The following OTUB1 variants were observed in gnomAD, a reference collection of about 807,000 sequenced individuals.
OTUB1 encodes ubiquitin thioesterase OTUB1.
A neutral mutation model predicts 35.8 loss-of-function variants in OTUB1; 10 were observed. The observed-to-expected ratio is 0.28, with a 90% CI of 0.17 to 0.47. The LOEUF is 0.47. OTUB1 is among the 20% of genes least tolerant of loss of function. The pLI is 0.99. For missense variants in OTUB1, 264 were observed against 351.6 expected, an observed-to-expected ratio of 0.75 and a Z score of 1.99; for synonymous variants, 158 against 143.8, an observed-to-expected ratio of 1.10 and a Z score of -0.71.
At chr11:63,991,715 T>C (rs1239593702) in intron 3 of OTUB1, among the ~76,000 whole-genome samples, 1 of 152,222 alleles carries the variant, frequency 6.6e-6, no homozygotes, top group Non-Finnish European at 1.5e-5. Context: ...TGATTTGGGT[T>C]CTTTGTGGTC....
intron 1 of OTUB1, 83 bp from the exon 2 acceptor site, chr11:63,988,254 G>A (rs1942638640): frequency 2.7e-6 from 3 of 1,108,428 alleles, no homozygotes; most frequent in Admixed American, 4.1e-5. Context: ...CCTGACCCTG[G>A]GCTGCTCTTG....
At chr11:63,989,034 T>TG (rs1273369197) in intron 3 of OTUB1, 1 of 305,706 alleles carries the variant, frequency 3.3e-6, no homozygotes, top group Non-Finnish European at 5.9e-6. Context: ...AAAAAAAAGG[T>TG]GGGGGGCAGG....
At chr11:63,995,958 G>T (rs1942712871) in intron 3 of OTUB1, among the ~76,000 whole-genome samples, 1 of 152,068 alleles carries the variant, frequency 6.6e-6, no homozygotes, top group African/African-American at 2.4e-5. Context: ...AGTGAGCCGA[G>T]ATCGCGCCAC....
chr11:63,988,776 G>GCTTCCCACCC, intron 3 of OTUB1, 24 bp downstream of exon 3: 1 of 1,531,390 alleles, frequency 6.5e-7, no homozygotes, highest in Non-Finnish European at 9.0e-7. Flanking sequence ...CAGAGCGGGT[G>GCTTCCCACCC]GGAAGCACCC....
At chr11:63,988,147 C>T (rs545722854) in intron 1 of OTUB1, among the ~76,000 whole-genome samples, 190 bp from the exon 2 acceptor site, 76 of 152,218 alleles carry the variant, frequency 5.0e-4, no homozygotes, top group African/African-American at 1.8e-3. Flanking sequence ...TGGTGGTGCA[C>T]GCATGTAGTT....
chr11:63,986,542 C>T lies in OTUB1; in HGVS notation c.58+28C>T, dbSNP rs1487166532. ...ACAGATCCAAGGAGGGATGTCCGGCCCGGGCTAGTGGGGGCGATGCCGGGC... is the reference window on the plus strand; with the variant it reads ...ACAGATCCAAGGAGGGATGTCCGGCTCGGGCTAGTGGGGGCGATGCCGGGC... On this transcript the variant is annotated intron_variant, in intron 1 of 6. Transcript: ENST00000538426. The T allele has an allele frequency of 4.6e-6, 7 of 1,530,738 alleles. No homozygotes were observed. In the African/African-American group the frequency reaches 9.7e-5, roughly 21 times the overall value. The allele number at this position is 1,530,738 out of a possible 1,614,324, so 94.8% of individuals were successfully genotyped here.
Position 63,997,060 on chromosome 11 carries a change from T to C in OTUB1, c.434T>C (p.Leu145Pro). 1.2e-6 allele frequency: 2 copies of C among 1,614,104 alleles called. No homozygotes were observed. Among genetic ancestry groups the C allele is most frequent in the Non-Finnish European group, 1.7e-6 (2 of 1,179,954 alleles). The change falls in exon 6 of 7, where the codon CTG becomes CCG. Residue 145 changes from leucine (L) to proline (P), a missense_variant. Around this residue, in one of 2 missense-constraint regions of OTUB1, gnomAD observed 214 missense variants for 317.1 expected, o/e 0.67. Coordinates refer to ENST00000538426, the MANE Select transcript of OTUB1 (RefSeq NM_017670.3). ...IEDFHNTFMD[L>P]IEQVEKQTSV... Reference sequence around the variant, plus strand: ...CCTCCGTGGCTGCAGTTCATGGACCTGATTGAGCAGGTGGAGAAGCAGACC... The same window carrying C: ...CCTCCGTGGCTGCAGTTCATGGACCCGATTGAGCAGGTGGAGAAGCAGACC...
chr11:63,998,070 G>A lies in OTUB1; in HGVS notation c.*524G>A, dbSNP rs1037104638. 2 of 423,700 alleles carry A rather than the reference G, an allele frequency of 4.7e-6. No individual in the cohort carries two copies. Among genetic ancestry groups the A allele is most frequent in the African/African-American group, 2.0e-5 (1 of 49,768 alleles). The allele number at this position is 423,700 out of a possible 1,614,324, so 26.2% of individuals were successfully genotyped here. The stretch of plus-strand genomic sequence containing the variant: ...ATGGTTGGGAGTCCTGGGTGGAGGG[G>A]CCTTTGTGAGGCTGGACCCGGCTCA... On this transcript the variant is annotated 3_prime_UTR_variant, in exon 7 of 7. Transcript: ENST00000538426.
rs1308385519 is a variant in OTUB1 at position 63,997,396 on chromosome 11, G to C, written c.666G>C (p.Ala222=). The C allele has an allele frequency of 1.2e-6, 2 of 1,614,048 alleles. No individual in the cohort carries two copies. The highest frequency in any genetic ancestry group is 1.7e-6 in the Non-Finnish European group (2 of 1,180,012). Residue 222 remains alanine, a synonymous_variant, in exon 7 of 7, where the codon GCG becomes GCC. Transcript: ENST00000538426. ...CKESDHIHII[A]LAQALSVSIQ... is the part of the protein sequence containing the mutation. Reference sequence around the variant, plus strand: ...AGAGCGACCACATCCACATCATTGCGCTGGCCCAGGCCCTCAGCGTGTCCA... The same window carrying C: ...AGAGCGACCACATCCACATCATTGCCCTGGCCCAGGCCCTCAGCGTGTCCA...
chr11:63,990,087 A>C (rs1487678561), intron 3 of OTUB1: 2 of 151,528 alleles, frequency 1.3e-5, no homozygotes, highest in African/African-American at 4.9e-5. Flanking sequence ...GCAGGAGCTG[A>C]TGATCTCGGT....
At chr11:63,991,517 G>T (rs1942672700) in intron 3 of OTUB1, among the ~76,000 whole-genome samples, 1 of 152,224 alleles carries the variant, frequency 6.6e-6, no homozygotes, top group South Asian at 2.1e-4. Flanking sequence ...TGTATGCTGT[G>T]CCTGAGCCCA....
In OTUB1 at chr11:63,997,173, C is replaced by T; in HGVS notation, c.547C>T (p.Leu183=). The T allele has an allele frequency of 6.2e-7, 1 of 1,614,220 alleles. No homozygotes were observed. The highest frequency in any genetic ancestry group is 8.5e-7 in the Non-Finnish European group (1 of 1,180,024). Residue 183 remains leucine (L), a synonymous_variant, in exon 6 of 7, where the codon CTG becomes TTG. Transcript: ENST00000538426. ...VYLRLLTSGY[L]QRESKFFEHF... ...CCTGCGGCTGCTCACCTCGGGCTAC[C>T]TGCAGCGCGAGAGCAAGTTCTTCGA...
intron 3 of OTUB1, among the ~76,000 whole-genome samples, chr11:63,991,590 C>G (rs1942673357): frequency 6.6e-6 from 1 of 152,244 alleles, no homozygotes; most frequent in East Asian, 1.9e-4. Flanking sequence ...GCTCCTCTCT[C>G]TCTAAATGGG....
At chr11:63,986,717 C>G in intron 1 of OTUB1, 2 of 543,084 alleles carry the variant, frequency 3.7e-6, no homozygotes, top group Non-Finnish European at 6.4e-6. Context: ...GGAGCACGGG[C>G]GAGGCGGGCC....
chr11:63,995,519 G>T (rs1942708898), intron 3 of OTUB1, among the ~76,000 whole-genome samples: 1 of 152,100 alleles, frequency 6.6e-6, no homozygotes, highest in South Asian at 2.1e-4. Context: ...AGAGAGACGG[G>T]GGTCTCACTG....
chr11:63,996,701 C>T (rs751083938), intron 4 of OTUB1, 53 bp downstream of exon 4: 33 of 1,613,526 alleles, frequency 2.0e-5, no homozygotes, highest in Admixed American at 1.3e-4. Flanking sequence ...ACCTCCTCCC[C>T]GGGCGAGTAG....
At chr11:63,987,450 G>A (rs551910864) in intron 1 of OTUB1, among the ~76,000 whole-genome samples, 2 of 152,324 alleles carry the variant, frequency 1.3e-5, no homozygotes, top group South Asian at 4.1e-4. Context: ...GGGGTCCATA[G>A]GGTGGACCTG....
At position 63,986,471 on chromosome 11, in the gene OTUB1, A is replaced by C. The variant is rs369554317; in HGVS notation, c.15A>C (p.Glu5Asp). 148 of 1,555,088 alleles carry C rather than the reference A, an allele frequency of 9.5e-5. No individual in the cohort carries two copies. Among genetic ancestry groups the C allele is most frequent in the Non-Finnish European group, 1.3e-4 (144 of 1,149,678 alleles). ...GCTGTTTAAAGATGGCGGCGGAGGA[A>C]CCTCAGCAGCAGAAGCAGGAGCCGC... MAAE[E>D]PQQQKQEPLG... Residue 5 changes from glutamate (E) to aspartate (D), a missense_variant, in exon 1 of 7, where the codon GAA becomes GAC. Around this residue, in one of 2 missense-constraint regions of OTUB1, gnomAD observed 50 missense variants for 34.5 expected, o/e 1.45. Coordinates refer to ENST00000538426, the MANE Select transcript of OTUB1 (RefSeq NM_017670.3).
chr11:63,989,209 A>C (rs926156326), intron 3 of OTUB1: 2 of 153,404 alleles, frequency 1.3e-5, no homozygotes, highest in African/African-American at 4.9e-5. Context: ...AATCGCAGCT[A>C]CTCGCAGGGC....
Sources: allele counts gnomAD v4.1 joint callset (sites outside exome capture counted in the v4.1 genomes callset), GRCh38; gene constraint gnomAD v4.1.1; regional missense constraint gnomAD v4.1.1; transcripts MANE v1.5; gene names NCBI Gene and HGNC (gene_info 2026-07-23, HGNC 2026-07-21).